Variants in BRAF observed in about 807,000 individuals in gnomAD.
BRAF encodes the protein serine/threonine-protein kinase B-raf.
Under a neutral mutation model 104.6 loss-of-function variants are expected in BRAF, and 16 were observed. That is an observed-to-expected ratio of 0.15 (90% CI 0.10 to 0.23). The LOEUF (loss-of-function observed/expected upper bound fraction) is 0.23, where lower values mean the gene tolerates loss of function less well. BRAF is among the 10% of genes least tolerant of loss of function. The pLI is 1.00. For missense variants in BRAF, 541 were observed against 937.3 expected (o/e 0.58, Z 5.52); for synonymous variants, 310 against 341.6 (o/e 0.91, Z 1.02).
At position 140,738,912 on chromosome 7, in the gene BRAF, T is replaced by C. The variant is rs112617180; in HGVS notation, c.2247+900A>G. On this transcript the variant is annotated intron_variant, in intron 18 of 19. Transcript: ENST00000644969. ...ATTTGTAAGCCACGACACCTGGCCT[T>C]AGTTACAGTTCTTTTTGAAATTTGT... Among the ~76,000 whole-genome samples the C allele has an allele frequency of 6.1e-3, 922 of 151,770 alleles. 7 individuals are homozygous for C. Among genetic ancestry groups the C allele is most frequent in the African/African-American group, 0.02 (830 of 41,256 alleles).
chr7:140,784,747 C>T (rs758175022), intron 10 of BRAF, among the ~76,000 whole-genome samples: 5 of 151,906 alleles, frequency 3.3e-5, no homozygotes, highest in East Asian at 3.9e-4. Context: ...TGGGTTCAAG[C>T]GATTCTCCAG....
rs1309445871 is a variant in BRAF, at chr7:140,808,050, T to C, written c.621A>G (p.Pro207=). ...AGGAAATATCAGTGTCCCAACCAAT[T>C]GGTTTCTTCTCTCTGAAAAATGTAG... ...VYRIQDGEKK[P]IGWDTDISWL... Residue 207 remains proline (P), a synonymous_variant, in exon 5 of 20, where the codon CCA becomes CCG. Coordinates refer to ENST00000644969, the MANE Select transcript of BRAF (RefSeq NM_001374258.1). 3 of 1,612,176 alleles carry C rather than the reference T, an allele frequency of 1.9e-6. No individual in the cohort carries two copies. The highest frequency in any genetic ancestry group is 1.7e-5 in the Admixed American group (1 of 59,964).
At position 140,719,793 on chromosome 7, in the gene BRAF, A is replaced by G. The variant is rs1233063450; in HGVS notation, c.*6701T>C. 1.9e-6 allele frequency: 2 copies of G among 1,062,790 alleles called. No individual in the cohort carries two copies. The highest frequency in any genetic ancestry group is 5.1e-5 in the East Asian group (1 of 19,774). 65.8% of individuals were successfully genotyped at this position (1,062,790 alleles called of 1,614,324 possible). A position where few individuals can be genotyped will look rare whatever the true frequency, so the allele number is the denominator to read the frequency against. ...TATAGAGAGGTCTGTGGACAATTAA[A>G]AAGTCCCCATCTTTTCACTGGGCAC... On this transcript the variant is annotated 3_prime_UTR_variant, in exon 20 of 20. Transcript: ENST00000644969.
chr7:140,760,907 G>A lies in BRAF; in HGVS notation c.1815-6674C>T, dbSNP rs371659477. 5.9e-5 allele frequency among the ~76,000 whole-genome samples: 9 copies of A among 152,230 alleles called. No homozygotes were observed. The East Asian group carries it at 1.2e-3, about 20-fold the overall frequency. ...GACTATGTGAAAAGACCAAATCTAC[G>A]TCTGATTAGTGTACCTGAAAGTGAC... On this transcript the variant is annotated intron_variant, in intron 14 of 19. Coordinates refer to ENST00000644969, the MANE Select transcript of BRAF (RefSeq NM_001374258.1).
intron 1 of BRAF, among the ~76,000 whole-genome samples, chr7:140,857,853 C>T (rs1443366351): frequency 6.6e-6 from 1 of 151,846 alleles, no homozygotes; most frequent in African/African-American, 2.4e-5. Flanking sequence ...TATGCAAAAA[C>T]AAACAAATAA....
chr7:140,738,565 TATA>T (rs1438162396), intron 18 of BRAF, among the ~76,000 whole-genome samples: 1 of 152,222 alleles, frequency 6.6e-6, no homozygotes, highest in African/African-American at 2.4e-5. Flanking sequence ...GCATTTATAT[TATA>T]ATATCTACTA....
chr7:140,749,206 C>T (rs2128994018), intron 17 of BRAF, 81 bp downstream of exon 16: 1 of 1,577,814 alleles, frequency 6.3e-7, no homozygotes, highest in Non-Finnish European at 8.7e-7. Flanking sequence ...CACGCTTACC[C>T]AGGAGTTAAC....
intron 1 of BRAF, among the ~76,000 whole-genome samples, chr7:140,871,980 G>C (rs1161708480): frequency 6.6e-6 from 1 of 152,092 alleles, no homozygotes; most frequent in African/African-American, 2.4e-5. Context: ...ACTTTGGGAG[G>C]CCGCGGCAGG....
chr7:140,788,366 T>C (rs541868994), intron 8 of BRAF, among the ~76,000 whole-genome samples: 4 of 152,328 alleles, frequency 2.6e-5, no homozygotes, highest in African/African-American at 9.6e-5. Context: ...TTCTCTATTA[T>C]AGGCATTTTG....
intron 1 of BRAF, among the ~76,000 whole-genome samples, chr7:140,920,034 T>C (rs1229787201): frequency 1.3e-5 from 2 of 152,108 alleles, no homozygotes; most frequent in South Asian, 2.1e-4. Context: ...CTTTACAGAA[T>C]AACCAATGTA....
chr7:140,869,391 G>C (rs377388296), intron 1 of BRAF, among the ~76,000 whole-genome samples: 2 of 152,172 alleles, frequency 1.3e-5, no homozygotes, highest in South Asian at 4.1e-4. Context: ...CCAGCACTTT[G>C]GGAGGCCAAG....
At chr7:140,901,350 C>T (rs1169498955) in intron 1 of BRAF, among the ~76,000 whole-genome samples, 1 of 152,162 alleles carries the variant, frequency 6.6e-6, no homozygotes. Context: ...GGAGCCAGAT[C>T]TCACATTCAC....
At chr7:140,895,641 C>G (rs1586577621) in intron 1 of BRAF, among the ~76,000 whole-genome samples, 1 of 152,204 alleles carries the variant, frequency 6.6e-6, no homozygotes, top group Non-Finnish European at 1.5e-5. Context: ...ATGAAATCAA[C>G]TCTTTTTAGC....
At position 140,924,642 on chromosome 7, in the gene BRAF, C is replaced by A; in HGVS notation, c.62G>T (p.Gly21Val). Residue 21 changes from glycine (G) to valine (V), a missense_variant, in exon 1 of 20, where the codon GGG becomes GTG. Coordinates refer to ENST00000644969, the MANE Select transcript of BRAF (RefSeq NM_001374258.1). This position sits in a 1 kb window ranked among gnomAD's most constrained non-coding sequence, Gnocchi z 4.2. ...GAEPGQALFNGDMEPEAGAGA... is the reference protein window; with the variant it reads ...GAEPGQALFNVDMEPEAGAGA... Reference sequence around the variant, plus strand: ...GGCGCCGGCCTCGGGCTCCATGTCCCCGTTGAACAGAGCCTGGCCCGGCTC... The same window carrying A: ...GGCGCCGGCCTCGGGCTCCATGTCCACGTTGAACAGAGCCTGGCCCGGCTC... 6.8e-7 allele frequency: 1 copy of A among 1,480,036 alleles called. No individual in the cohort carries two copies. Among genetic ancestry groups the A allele is most frequent in the East Asian group, 2.5e-5 (1 of 40,248 alleles). The allele number at this position is 1,480,036 out of a possible 1,614,324, so 91.7% of individuals were successfully genotyped here.
chr7:140,765,663 A>C (rs1799241736), intron 14 of BRAF, among the ~76,000 whole-genome samples: 1 of 152,142 alleles, frequency 6.6e-6, no homozygotes, highest in South Asian at 2.1e-4. Flanking sequence ...ACTTCTCAAA[A>C]GAAGACATTT....
At chr7:140,846,590 T>C (rs1038493160) in intron 2 of BRAF, among the ~76,000 whole-genome samples, 1 of 151,910 alleles carries the variant, frequency 6.6e-6, no homozygotes, top group East Asian at 1.9e-4. Flanking sequence ...TTTCTAGAAA[T>C]GGATGGTGGT....
At chr7:140,908,927 T>G (rs1360762646) in intron 1 of BRAF, among the ~76,000 whole-genome samples, 1 of 136,440 alleles carries the variant, frequency 7.3e-6, no homozygotes, top group Non-Finnish European at 1.7e-5. Context: ...TCTTGTTTAT[T>G]CCTAGAATTT....
At chr7:140,737,391 T>C (rs752860557) in intron 18 of BRAF, among the ~76,000 whole-genome samples, 5 of 152,200 alleles carry the variant, frequency 3.3e-5, no homozygotes, top group Non-Finnish European at 5.9e-5. Flanking sequence ...TATTTCACTG[T>C]TGTGTCTTTG....
intron 3 of BRAF, among the ~76,000 whole-genome samples, chr7:140,828,150 C>T (rs1806280901): frequency 6.6e-6 from 1 of 152,130 alleles, no homozygotes; most frequent in Non-Finnish European, 1.5e-5. Context: ...CTCCCCTCAG[C>T]CTCCCATGCT....
Sources: allele counts gnomAD v4.1 joint callset (sites outside exome capture counted in the v4.1 genomes callset), GRCh38; gene constraint gnomAD v4.1.1; non-coding constraint Gnocchi (gnomAD v3.1); transcripts MANE v1.5; gene names NCBI Gene and HGNC (gene_info 2026-07-23, HGNC 2026-07-21).